Variants in ARHGAP33 observed in about 807,000 individuals in gnomAD.
ARHGAP33 encodes rho GTPase-activating protein 33.
A neutral mutation model predicts 126.2 loss-of-function variants in ARHGAP33; 57 were observed. That is an observed-to-expected ratio of 0.45 (90% CI 0.36 to 0.56). The LOEUF is 0.56. Among genes scored for constraint, ARHGAP33 ranks in the 20% least tolerant of loss-of-function variants. The pLI is 0.00. For missense variants in ARHGAP33, 1,500 were observed against 1,748.3 expected, an observed-to-expected ratio of 0.86 and a Z score of 2.53; for synonymous variants, 711 against 755.0, an observed-to-expected ratio of 0.94 and a Z score of 0.95.
rs906912111 is a variant in ARHGAP33, at chr19:35,777,751, G to A, written c.104+9G>A. On this transcript the variant is annotated intron_variant, in intron 2 of 20. Transcript: ENST00000007510. Reference sequence around the variant, plus strand: ...GGGAAGCCTGGGAAGAGGTGAGGGTGAGGGAGGAAAGGGCTCAGCTAGGAG... The same window carrying A: ...GGGAAGCCTGGGAAGAGGTGAGGGTAAGGGAGGAAAGGGCTCAGCTAGGAG... 2 of 1,613,544 alleles carry A rather than the reference G, an allele frequency of 1.2e-6. No homozygotes were observed. Among genetic ancestry groups the A allele is most frequent in the Middle Eastern group, 3.3e-4 (2 of 6,054 alleles).
chr19:35,784,323 C>A lies in ARHGAP33; in HGVS notation c.1567+6C>A. ...CGCCGGCCTCGACCCTGCAGGTATG[C>A]CCTCCCACCCCCTGAGGTCCTGGCT... On this transcript the variant is annotated splice_donor_region_variant and intron_variant, in intron 16 of 20. Coordinates refer to ENST00000007510, the MANE Select transcript of ARHGAP33 (RefSeq NM_001366178.1). 6.4e-7 allele frequency: 1 copy of A among 1,551,864 alleles called. No individual in the cohort carries two copies. Among genetic ancestry groups the A allele is most frequent in the Non-Finnish European group, 8.7e-7 (1 of 1,146,392 alleles).
At position 35,787,997 on chromosome 19, in the gene ARHGAP33, C is replaced by A; in HGVS notation, c.3432C>A (p.Cys1144Ter). The A allele has an allele frequency of 6.8e-7, 1 of 1,473,234 alleles. No individual in the cohort carries two copies. Among genetic ancestry groups the A allele is most frequent in the Non-Finnish European group, 9.2e-7 (1 of 1,087,990 alleles). The allele number at this position is 1,473,234 out of a possible 1,614,324, so 91.3% of individuals were successfully genotyped here. A position where few individuals can be genotyped will look rare whatever the true frequency, so the allele number is the denominator to read the frequency against. ...FLLSYPPAPS[C>*]FPPDHLGYSA... ...TCAGCTACCCGCCAGCCCCCTCCTG[C>A]TTTCCCCCTGACCACCTTGGCTACT... Residue 1144 changes from cysteine to a stop codon, truncating the protein, a stop_gained, in exon 21 of 21, where the codon TGC (cysteine) becomes TGA (stop). Transcript: ENST00000007510. LOFTEE classifies it high-confidence loss of function.
At chr19:35,776,178 C>G (rs1707606610) in intron 1 of ARHGAP33, among the ~76,000 whole-genome samples, 1 of 146,380 alleles carries the variant, frequency 6.8e-6, no homozygotes, top group Non-Finnish European at 1.5e-5. Context: ...CCTCTCAATC[C>G]CCCCCGCCCC....
Position 35,788,253 on chromosome 19 carries a change from G to A in ARHGAP33, c.3688G>A (p.Glu1230Lys), listed in dbSNP as rs1351274373. The A allele has an allele frequency of 6.8e-6, 11 of 1,608,712 alleles. No individual in the cohort carries two copies. Among genetic ancestry groups the A allele is most frequent in the African/African-American group, 1.3e-5 (1 of 74,280 alleles). ...HRVPGPWGPP[E>K]PLLLYRAAPP... ...GGTGCCGGGTCCCTGGGGCCCTCCT[G>A]AGCCTCTCCTGCTCTACAGGGCAGC... The change falls in exon 21 of 21, where the codon GAG (glutamate) becomes AAG (lysine). Residue 1230 changes from glutamate to lysine, a missense_variant. Coordinates refer to ENST00000007510, the MANE Select transcript of ARHGAP33 (RefSeq NM_001366178.1).
Position 35,782,765 on chromosome 19 carries a change from C to A in ARHGAP33, c.1317C>A (p.Thr439=), listed in dbSNP as rs768521345. Residue 439 remains threonine, a synonymous_variant, in exon 15 of 21, where the codon ACC becomes ACA. Transcript: ENST00000007510. The surrounding 1 kb of genome is among the most constrained non-coding windows in gnomAD (Gnocchi z 4.1). ...CCCCCTCTGCTCCCACCCCCAGGAC[C>A]CTGGAGTACCTGCTGAGGCACCTGG... ...IQQLPPPHYR[T]LEYLLRHLAR... The A allele has an allele frequency of 1.2e-6, 2 of 1,613,040 alleles. No individual in the cohort carries two copies. The highest frequency in any genetic ancestry group is 1.3e-5 in the African/African-American group (1 of 74,918).
intron 6 of ARHGAP33, 46 bp downstream of exon 6, chr19:35,779,170 T>C (rs1971612500): frequency 6.8e-7 from 1 of 1,476,992 alleles, no homozygotes; most frequent in Non-Finnish European, 9.2e-7. Flanking sequence ...GGTGAGGGGG[T>C]GTCTGAGGGG....
chr19:35,779,264 G>T, intron 6 of ARHGAP33, 140 bp downstream of exon 6: 1 of 644,810 alleles, frequency 1.6e-6, no homozygotes, highest in South Asian at 1.9e-5. Flanking sequence ...GTGTCTGTGT[G>T]GGCGCATGCC....
rs1972096273 is a variant in ARHGAP33, at chr19:35,786,062, C to T, written c.1943-351C>T. ...ACCTCTGCGGGGGGCTGCTTATCCACCCCACCCAGCCGTGCCTCTGGGGGC... is the reference window on the plus strand; with the variant it reads ...ACCTCTGCGGGGGGCTGCTTATCCATCCCACCCAGCCGTGCCTCTGGGGGC... On this transcript the variant is annotated intron_variant, in intron 19 of 20. Coordinates refer to ENST00000007510, the MANE Select transcript of ARHGAP33 (RefSeq NM_001366178.1). This position sits in a 1 kb window ranked among gnomAD's most constrained non-coding sequence, Gnocchi z 7.0. The T allele has an allele frequency of 5.1e-6, 6 of 1,180,878 alleles. No homozygotes were observed. Among genetic ancestry groups the T allele is most frequent in the Non-Finnish European group, 6.3e-6 (6 of 952,738 alleles). The allele number at this position is 1,180,878 out of a possible 1,614,324, so 73.1% of individuals were successfully genotyped here.
chr19:35,786,376 G>A lies in ARHGAP33; in HGVS notation c.1943-37G>A. Reference sequence around the variant, plus strand: ...AGCTTTCTGTGGGGCTGTGCGCCCTGTTCTCAGGGATGGTCTCACTGACCC... The same window carrying A: ...AGCTTTCTGTGGGGCTGTGCGCCCTATTCTCAGGGATGGTCTCACTGACCC... On this transcript the variant is annotated intron_variant, in intron 19 of 20. Coordinates refer to ENST00000007510, the MANE Select transcript of ARHGAP33 (RefSeq NM_001366178.1). The surrounding 1 kb of genome is among the most constrained non-coding windows in gnomAD (Gnocchi z 7.0). 10 of 1,503,878 alleles carry A rather than the reference G, an allele frequency of 6.6e-6. No individual in the cohort carries two copies. The highest frequency in any genetic ancestry group is 8.9e-6 in the Non-Finnish European group (10 of 1,129,580). The allele number at this position is 1,503,878 out of a possible 1,614,324, so 93.2% of individuals were successfully genotyped here. A position where few individuals can be genotyped will look rare whatever the true frequency, so the allele number is the denominator to read the frequency against.
chr19:35,780,878 C>T (rs377024802), intron 10 of ARHGAP33, 42 bp from the exon 11 acceptor site: 1 of 1,612,190 alleles, frequency 6.2e-7, no homozygotes, highest in South Asian at 1.1e-5. Context: ...CCATGCTGAC[C>T]CCACAAGACC....
rs179569 is a variant in ARHGAP33, at chr19:35,780,709, G to A, written c.770-48G>A. 1.8e-3 allele frequency: 2,891 copies of A among 1,612,856 alleles called. 45 individuals are homozygous for A. In the African/African-American group the frequency reaches 0.033, roughly 18 times the overall value. On this transcript the variant is annotated intron_variant, in intron 9 of 20. Coordinates refer to ENST00000007510, the MANE Select transcript of ARHGAP33 (RefSeq NM_001366178.1). The stretch of plus-strand genomic sequence containing the variant: ...GGTGGGAAGGGGTGGGGCCTCCTGC[G>A]TCTTTTGCCTCCCACTCATCCCTTC...
intron 6 of ARHGAP33, among the ~76,000 whole-genome samples, chr19:35,779,349 A>AGGGTTTAAATGTATATCAGTTAGAAAT (rs1437573500): frequency 3.9e-5 from 6 of 152,110 alleles, no homozygotes; most frequent in Non-Finnish European, 7.4e-5. Context: ...TAAGGATACA[A>AGGGTTTAAATGTATATCAGTTAGAAAT]GGGTTTAAAT....
At chr19:35,783,108 C>G (rs1971892316) in intron 15 of ARHGAP33, among the ~76,000 whole-genome samples, 1 of 152,108 alleles carries the variant, frequency 6.6e-6, no homozygotes, top group Non-Finnish European at 1.5e-5. Context: ...AGAGTAAAGT[C>G]TGATGGTGAT....
rs780683365 is a variant in ARHGAP33, at chr19:35,787,701, G to A, written c.3136G>A (p.Gly1046Arg). The A allele has an allele frequency of 5.8e-5, 92 of 1,589,434 alleles. 1 individual carries two copies. Among genetic ancestry groups the A allele is most frequent in the Admixed American group, 2.1e-4 (11 of 52,414 alleles). Residue 1046 changes from glycine (G) to arginine (R), a missense_variant, in exon 21 of 21, where the codon GGG becomes AGG. Physicochemically the swap from Gly to Arg is moderately radical, Grantham distance 125. Around this residue, in one of 6 missense-constraint regions of ARHGAP33, gnomAD observed 642 missense variants for 634.0 expected, o/e 1.01. Transcript: ENST00000007510. ...APRECLPPFL[G>R]VPKPGLYPLG... is the part of the protein sequence containing the mutation. ...CAGGGAGTGCCTGCCACCCTTCCTC[G>A]GGGTCCCCAAGCCAGGCTTGTACCC...
chr19:35,785,124 G>C lies in ARHGAP33; in HGVS notation c.1721+18G>C, dbSNP rs765879015. 1.3e-6 allele frequency: 2 copies of C among 1,590,814 alleles called. No homozygotes were observed. The highest frequency in any genetic ancestry group is 3.5e-5 in the Admixed American group (2 of 57,494). ...GCGGAAAGGTGAGTGGGATGCTGGG[G>C]GTGGCGAGGGGCAGGTGGAGGCCTG... On this transcript the variant is annotated intron_variant, in intron 17 of 20. Coordinates refer to ENST00000007510, the MANE Select transcript of ARHGAP33 (RefSeq NM_001366178.1).
At chr19:35,787,104 C>T (rs762850792) in intron 20 of ARHGAP33, 32 bp downstream of exon 20, 7 of 1,598,748 alleles carry the variant, frequency 4.4e-6, no homozygotes, top group Non-Finnish European at 6.0e-6. Context: ...CCCCTGTCCC[C>T]GCCAGCTGTC....
Position 35,788,598 on chromosome 19 carries a change from C to A in ARHGAP33, c.*169C>A. Reference sequence around the variant, plus strand: ...AACCTATAATCTCAGCTTCCCTACCCTGGACTGAAGGGTCTGCCCATCCCC... The same window carrying A: ...AACCTATAATCTCAGCTTCCCTACCATGGACTGAAGGGTCTGCCCATCCCC... On this transcript the variant is annotated 3_prime_UTR_variant, in exon 21 of 21. Coordinates refer to ENST00000007510, the MANE Select transcript of ARHGAP33 (RefSeq NM_001366178.1). The A allele has an allele frequency of 1.6e-6, 1 of 619,794 alleles. No individual in the cohort carries two copies. Among genetic ancestry groups the A allele is most frequent in the South Asian group, 2.3e-5 (1 of 44,006 alleles). 38.4% of individuals were successfully genotyped at this position (619,794 alleles called of 1,614,324 possible).
At chr19:35,784,687 G>A (rs1380039126) in intron 16 of ARHGAP33, 5 of 1,265,624 alleles carry the variant, frequency 4.0e-6, no homozygotes, top group East Asian at 7.4e-5. Flanking sequence ...TCAGCACGTC[G>A]GAGGGCCCTC....
intron 5 of ARHGAP33, 200 bp from the exon 6 acceptor site, chr19:35,778,832 G>A: frequency 1.2e-6 from 1 of 810,426 alleles, no homozygotes; most frequent in South Asian, 1.8e-5. Context: ...GGGTCACCAT[G>A]GTCATGCCAA....
Sources: allele counts gnomAD v4.1 joint callset (sites outside exome capture counted in the v4.1 genomes callset), GRCh38; gene constraint gnomAD v4.1.1; regional missense constraint gnomAD v4.1.1; non-coding constraint Gnocchi (gnomAD v3.1); transcripts MANE v1.5; gene names NCBI Gene and HGNC (gene_info 2026-07-23, HGNC 2026-07-21).